The following COLGALT2 variants were observed in gnomAD, a reference collection of about 807,000 sequenced individuals.
The protein encoded by COLGALT2 is collagen beta(1-O)galactosyltransferase 2.
Under a neutral mutation model 73.4 loss-of-function variants are expected in COLGALT2, and 49 were observed. The ratio of observed to expected loss-of-function variants is 0.67; its 90% confidence interval spans 0.53 to 0.85. The LOEUF (loss-of-function observed/expected upper bound fraction) is 0.85, where lower values mean the gene tolerates loss of function less well. COLGALT2 is among the 40% of genes least tolerant of loss of function. The pLI is 0.00. For missense variants in COLGALT2, 722 were observed against 790.2 expected (o/e 0.91, Z 1.03); for synonymous variants, 295 against 307.6 (o/e 0.96, Z 0.43).
rs114436550 is a variant in COLGALT2 at position 183,986,718 on chromosome 1, G to A, written c.264-8198C>T. ...TGTGTTAAGAACTTCTCAACATTATGCCACACACTAACCCATTTTTAGCCT... is the reference window on the plus strand; with the variant it reads ...TGTGTTAAGAACTTCTCAACATTATACCACACACTAACCCATTTTTAGCCT... On this transcript the variant is annotated intron_variant, in intron 1 of 11. Transcript: ENST00000361927. Among the ~76,000 whole-genome samples the A allele has an allele frequency of 5.2e-3, 790 of 152,136 alleles. 10 individuals carry two copies. Among genetic ancestry groups the A allele is most frequent in the African/African-American group, 0.018 (759 of 41,500 alleles).
At chr1:183,989,840 C>T (rs1671584661) in intron 1 of COLGALT2, among the ~76,000 whole-genome samples, 2 of 152,192 alleles carry the variant, frequency 1.3e-5, no homozygotes, top group Non-Finnish European at 2.9e-5. Context: ...ACATCTGCTG[C>T]ATCTACCTAG....
chr1:183,976,346 T>C (rs1191008512), intron 2 of COLGALT2, among the ~76,000 whole-genome samples: 1 of 10,512 alleles, frequency 9.5e-5, no homozygotes, highest in Admixed American at 6.5e-4. Context: ...AACACATATG[T>C]ATATATTATA....
chr1:184,018,596 T>C (rs1649078699), intron 1 of COLGALT2, among the ~76,000 whole-genome samples: 1 of 152,200 alleles, frequency 6.6e-6, no homozygotes, highest in African/African-American at 2.4e-5. Context: ...TAATAAAATC[T>C]AGGAACACTA....
Position 183,969,411 on chromosome 1 carries a change from G to A in COLGALT2, c.690C>T (p.Phe230=), listed in dbSNP as rs1670974378. 1 of 1,613,878 alleles carries A rather than the reference G, an allele frequency of 6.2e-7. No homozygotes were observed. Among genetic ancestry groups the A allele is most frequent in the East Asian group, 2.2e-5 (1 of 44,874 alleles). ...QIREWKRTGC[F]PVPMVHSTFL... ...AGGTGGAGTGGACCATGGGGACGGG[G>A]AAGCAGCCTGTCCTCTTCCATTCTC... The change falls in exon 5 of 12, where the codon TTC becomes TTT. Residue 230 remains phenylalanine (F), a synonymous_variant. Transcript: ENST00000361927.
intron 10 of COLGALT2, among the ~76,000 whole-genome samples, chr1:183,942,856 C>T (rs1670151061): frequency 6.6e-6 from 1 of 152,212 alleles, no homozygotes; most frequent in African/African-American, 2.4e-5. Flanking sequence ...CTGAGAAATG[C>T]ACCCACCGAA....
intron 11 of COLGALT2, 67 bp from the exon 12 acceptor site, chr1:183,939,104 A>C: frequency 8.3e-7 from 1 of 1,209,276 alleles, no homozygotes; most frequent in Non-Finnish European, 1.2e-6. Flanking sequence ...AGGGACAAAG[A>C]GTGAAGGAGG....
intron 5 of COLGALT2, 79 bp downstream of exon 5, chr1:183,969,190 T>C (rs974204248): frequency 1.6e-5 from 21 of 1,277,516 alleles, no homozygotes; most frequent in Non-Finnish European, 2.1e-5. Context: ...TTTTTTTTTT[T>C]AATAAAATGC....
chr1:183,958,806 C>T (rs980477228), intron 6 of COLGALT2, among the ~76,000 whole-genome samples: 3 of 150,946 alleles, frequency 2.0e-5, no homozygotes, highest in Admixed American at 6.6e-5. Flanking sequence ...TCAAGATCTC[C>T]TTATATACTG....
intron 1 of COLGALT2, among the ~76,000 whole-genome samples, chr1:183,989,958 C>T (rs891705454): frequency 9.2e-5 from 14 of 152,292 alleles, no homozygotes; most frequent in African/African-American, 2.9e-4. Context: ...CACAGATCCT[C>T]AATTAAGAAA....
chr1:183,972,533 C>A (rs149788170), intron 4 of COLGALT2, among the ~76,000 whole-genome samples: 8 of 151,768 alleles, frequency 5.3e-5, no homozygotes, highest in African/African-American at 1.9e-4. Context: ...CTAAAACAGA[C>A]CACTATTTTG....
intron 5 of COLGALT2, among the ~76,000 whole-genome samples, chr1:183,965,791 A>AAAATTC (rs2102809398): frequency 8.7e-5 from 2 of 22,976 alleles, no homozygotes; most frequent in South Asian, 4.7e-3. Flanking sequence ...GCCTCCAAAG[A>AAAATTC]ATGGCAAAGG....
intron 1 of COLGALT2, among the ~76,000 whole-genome samples, chr1:184,006,564 A>G (rs1238271905): frequency 6.6e-6 from 1 of 151,814 alleles, no homozygotes; most frequent in East Asian, 1.9e-4. Context: ...AGCCTGGGCA[A>G]CAAGAGCGAA....
chr1:183,975,112 C>T lies in COLGALT2; in HGVS notation c.477G>A (p.Trp159Ter). 1 of 1,612,866 alleles carries T rather than the reference C, an allele frequency of 6.2e-7. No homozygotes were observed. Among genetic ancestry groups the T allele is most frequent in the Non-Finnish European group, 8.5e-7 (1 of 1,178,882 alleles). Residue 159 changes from tryptophan to a stop codon, truncating the protein, a stop_gained, in exon 3 of 12, where the codon TGG becomes TGA. Transcript: ENST00000361927. LOFTEE classifies it high-confidence loss of function. ...QAALRTAREK[W>*]SDYILFIDVD... ...CTGTTTTTACCAGAATGTAGTCTGA[C>T]CATTTTTCCCTCGCAGTTCGAAGGG...
chr1:184,020,965 C>CA (rs1213439349), intron 1 of COLGALT2, among the ~76,000 whole-genome samples: 4 of 152,060 alleles, frequency 2.6e-5, no homozygotes, highest in Non-Finnish European at 5.9e-5. Flanking sequence ...TGGGGGCTGG[C>CA]ATTCCCCAGA....
chr1:183,984,179 C>A (rs1048941901), intron 1 of COLGALT2, among the ~76,000 whole-genome samples: 1 of 152,154 alleles, frequency 6.6e-6, no homozygotes, highest in African/African-American at 2.4e-5. Context: ...GAGGGTGAGG[C>A]GGATCACCTG....
intron 10 of COLGALT2, among the ~76,000 whole-genome samples, chr1:183,943,194 G>T (rs746176361): frequency 2.0e-5 from 3 of 152,214 alleles, no homozygotes; most frequent in Non-Finnish European, 4.4e-5. Context: ...CCATTGCTAG[G>T]TTTCTTCTGA....
At chr1:183,977,447 G>A (rs1572651913) in intron 2 of COLGALT2, among the ~76,000 whole-genome samples, 1 of 149,452 alleles carries the variant, frequency 6.7e-6, no homozygotes, top group East Asian at 2.0e-4. Context: ...CTCCAGCCTG[G>A]GTGACATAGC....
chr1:184,014,941 A>G (rs1371077788), intron 1 of COLGALT2, among the ~76,000 whole-genome samples: 7 of 152,190 alleles, frequency 4.6e-5, no homozygotes, highest in African/African-American at 1.7e-4. Flanking sequence ...TGCAAGGGAA[A>G]CAAAAAGATC....
At chr1:183,979,951 T>C (rs954014433) in intron 1 of COLGALT2, among the ~76,000 whole-genome samples, 2 of 152,072 alleles carry the variant, frequency 1.3e-5, no homozygotes, top group African/African-American at 2.4e-5. Flanking sequence ...TACGTAGAAG[T>C]TGATAATAAA....
Sources: allele counts gnomAD v4.1 joint callset (sites outside exome capture counted in the v4.1 genomes callset), GRCh38; gene constraint gnomAD v4.1.1; transcripts MANE v1.5; gene names NCBI Gene and HGNC (gene_info 2026-07-23, HGNC 2026-07-21).